NAALADL2: variants seen among roughly 807,000 people sequenced by gnomAD.
NAALADL2 encodes inactive N-acetylated-alpha-linked acidic dipeptidase-like protein 2.
Under a neutral mutation model 87.2 loss-of-function variants are expected in NAALADL2, and 76 were observed. The ratio of observed to expected loss-of-function variants is 0.87; its 90% CI spans 0.72 to 1.05. The LOEUF (loss-of-function observed/expected upper bound fraction) is 1.05, where lower values mean the gene tolerates loss of function less well. Among genes scored for constraint, NAALADL2 ranks in the 50% least tolerant of loss-of-function variants. The pLI is 0.00. For synonymous variants in NAALADL2, 354 were observed against 331.0 expected, an observed-to-expected ratio of 1.07 and a Z score of -0.75; for missense variants, 1,089 against 945.8, an observed-to-expected ratio of 1.15 and a Z score of -1.99.
chr3:174,665,343 G>A (rs1261843117), intron 2 of NAALADL2, among the ~76,000 whole-genome samples: 1 of 152,154 alleles, frequency 6.6e-6, no homozygotes, highest in Non-Finnish European at 1.5e-5. Context: ...GCCTGGCTCT[G>A]TGTCAAGCTG....
chr3:174,915,744 T>C (rs1027838697), intron 1 of NAALADL2, among the ~76,000 whole-genome samples: 1 of 152,178 alleles, frequency 6.6e-6, no homozygotes, highest in Admixed American at 6.6e-5. Flanking sequence ...GTGGTTAAAT[T>C]GTATATTAAA....
intron 5 of NAALADL2, among the ~76,000 whole-genome samples, chr3:175,390,122 TAA>T (rs1305018560): frequency 6.7e-6 from 1 of 148,216 alleles, no homozygotes; most frequent in South Asian, 2.1e-4. Context: ...ACTTCCACTG[TAA>T]AAAAAAAATA....
intron 13 of NAALADL2, among the ~76,000 whole-genome samples, chr3:175,764,540 C>A (rs1461395279): frequency 1.1e-5 from 1 of 88,238 alleles, no homozygotes; most frequent in African/African-American, 5.5e-5. Flanking sequence ...CAAGCCAAGA[C>A]CATTTTTTTT....
At chr3:175,720,766 A>G (rs1466869241) in intron 11 of NAALADL2, among the ~76,000 whole-genome samples, 1 of 152,106 alleles carries the variant, frequency 6.6e-6, no homozygotes, top group African/African-American at 2.4e-5. Context: ...AATAGAAATA[A>G]CTTCAAAATG....
chr3:175,609,219 AG>A (rs1437179506), intron 10 of NAALADL2, among the ~76,000 whole-genome samples: 1 of 152,182 alleles, frequency 6.6e-6, no homozygotes, highest in African/African-American at 2.4e-5. Flanking sequence ...GACAGCCAGT[AG>A]GAAAAAAAAG....
intron 9 of NAALADL2, among the ~76,000 whole-genome samples, chr3:175,558,493 C>T (rs1328493386): frequency 2.0e-5 from 3 of 152,040 alleles, no homozygotes; most frequent in East Asian, 1.9e-4. Flanking sequence ...AAGATATCTT[C>T]GCCCTGTCCA....
At chr3:175,776,873 C>T (rs1583193473) in intron 13 of NAALADL2, among the ~76,000 whole-genome samples, 1 of 152,064 alleles carries the variant, frequency 6.6e-6, no homozygotes, top group African/African-American at 2.4e-5. Context: ...TTATTATGCT[C>T]AGAAAATACC....
chr3:175,182,007 A>G (rs933702246), intron 2 of NAALADL2, among the ~76,000 whole-genome samples: 14 of 151,726 alleles, frequency 9.2e-5, no homozygotes, highest in African/African-American at 3.1e-4. Flanking sequence ...ACCAATTTAC[A>G]TTCCCACCAA....
chr3:175,109,401 C>G (rs1723796200), intron 2 of NAALADL2, among the ~76,000 whole-genome samples: 1 of 151,670 alleles, frequency 6.6e-6, no homozygotes, highest in Non-Finnish European at 1.5e-5. Context: ...GTACTACAGA[C>G]AAAGCAGTGA....
chr3:175,202,707 G>A (rs1229835152), intron 2 of NAALADL2, among the ~76,000 whole-genome samples: 4 of 152,094 alleles, frequency 2.6e-5, no homozygotes, highest in Non-Finnish European at 5.9e-5. Context: ...TTTGCCTTCA[G>A]CTACCAGGTT....
intron 2 of NAALADL2, among the ~76,000 whole-genome samples, chr3:174,706,820 G>A (rs1730116294): frequency 6.6e-6 from 1 of 152,142 alleles, no homozygotes; most frequent in Admixed American, 6.6e-5. Flanking sequence ...TGTATAAGGT[G>A]TAAGGAAGGG....
chr3:175,328,305 T>A (rs1019556152), intron 5 of NAALADL2, among the ~76,000 whole-genome samples: 1 of 152,158 alleles, frequency 6.6e-6, no homozygotes, highest in African/African-American at 2.4e-5. Context: ...GTACTTTGAA[T>A]CAATATTTAG....
intron 9 of NAALADL2, among the ~76,000 whole-genome samples, 194 bp downstream of exon 9, chr3:175,471,952 C>T (rs999609726): frequency 6.6e-6 from 1 of 151,858 alleles, no homozygotes; most frequent in Non-Finnish European, 1.5e-5. Flanking sequence ...TCTTCACTTG[C>T]TACTCTTTTA....
chr3:175,103,159 AT>A (rs757816950), intron 2 of NAALADL2, among the ~76,000 whole-genome samples: 169 of 152,182 alleles, frequency 1.1e-3, no homozygotes, highest in Non-Finnish European at 1.8e-3. Flanking sequence ...GATGAATAAC[AT>A]CTTGTCTGGA....
At chr3:175,224,299 C>T (rs1743841178) in intron 2 of NAALADL2, among the ~76,000 whole-genome samples, 1 of 152,066 alleles carries the variant, frequency 6.6e-6, no homozygotes, top group South Asian at 2.1e-4. Flanking sequence ...GGGATGTTTG[C>T]CCAGCAGGAT....
intron 1 of NAALADL2, among the ~76,000 whole-genome samples, chr3:174,882,828 CACGTGTGT>C (rs1189487042): frequency 1.4e-5 from 2 of 142,908 alleles, no homozygotes; most frequent in Non-Finnish European, 3.0e-5. Context: ...TGTATATATA[CACGTGTGT>C]ATATGTGCAT....
intron 1 of NAALADL2, among the ~76,000 whole-genome samples, chr3:174,534,560 A>G (rs77201799): frequency 0.086 from 13,071 of 152,218 alleles, 787 homozygotes; most frequent in African/African-American, 0.17. Flanking sequence ...CCTAGCCATC[A>G]CATCTGTATA....
chr3:174,724,462 A>G (rs1731999567), intron 2 of NAALADL2, among the ~76,000 whole-genome samples: 1 of 152,178 alleles, frequency 6.6e-6, no homozygotes, highest in South Asian at 2.1e-4. Flanking sequence ...TCCCATGTTT[A>G]TATTCATATG....
chr3:175,334,654 A>G (rs1429543461), intron 5 of NAALADL2, among the ~76,000 whole-genome samples: 1 of 152,158 alleles, frequency 6.6e-6, no homozygotes, highest in Non-Finnish European at 1.5e-5. Flanking sequence ...CCCACTTGAA[A>G]GTTATTCTAC....
Sources: gnomAD v4.1 joint callset for allele counts (sites outside exome capture counted in the v4.1 genomes callset) on GRCh38, gnomAD v4.1.1 for gene constraint, MANE v1.5 for transcripts, NCBI Gene and HGNC (gene_info 2026-07-23, HGNC 2026-07-21) for gene names.